The following RGS7 variants were observed in gnomAD, a reference collection of about 807,000 sequenced individuals.
RGS7 encodes the protein regulator of G protein signaling 7, also known as regulator of G-protein signaling 7.
In RGS7, 27 loss-of-function variants were observed where a neutral mutation model predicts 81.1. The observed-to-expected ratio is 0.33, with a 90% CI of 0.25 to 0.46. RGS7 has a LOEUF of 0.46. RGS7 is among the 20% of genes least tolerant of loss of function. The pLI, the probability that RGS7 is intolerant of heterozygous loss-of-function variation, is 1.00. For synonymous variants in RGS7, 208 were observed against 207.7 expected, an observed-to-expected ratio of 1.00 and a Z score of -0.01; for missense variants, 396 against 607.4, an observed-to-expected ratio of 0.65 and a Z score of 3.66.
chr1:241,322,417 T>C (rs1310961944), intron 2 of RGS7, among the ~76,000 whole-genome samples: 1 of 152,262 alleles, frequency 6.6e-6, no homozygotes, highest in Admixed American at 6.5e-5. Context: ...GTTGACTATA[T>C]ATTCACTCTT....
chr1:240,962,309 C>G (rs12143076), intron 4 of RGS7, among the ~76,000 whole-genome samples: 57,608 of 151,952 alleles, frequency 0.38, 11,040 homozygotes, highest in Middle Eastern at 0.41. Flanking sequence ...ATCTTTCTCT[C>G]CGGCTCCTGA....
At chr1:241,121,859 T>C (rs973237298) in intron 2 of RGS7, among the ~76,000 whole-genome samples, 7 of 151,690 alleles carry the variant, frequency 4.6e-5, no homozygotes, top group Non-Finnish European at 8.8e-5. Context: ...AGGTGCGTGA[T>C]ACCACACCTG....
At chr1:240,932,302 G>C (rs1675586784) in intron 5 of RGS7, among the ~76,000 whole-genome samples, 1 of 152,044 alleles carries the variant, frequency 6.6e-6, no homozygotes, top group Non-Finnish European at 1.5e-5. Flanking sequence ...ATCATCGTAG[G>C]AATTCTGAAG....
intron 3 of RGS7, among the ~76,000 whole-genome samples, chr1:241,036,661 C>A (rs1277797766): frequency 6.6e-6 from 1 of 152,144 alleles, no homozygotes; most frequent in Admixed American, 6.5e-5. Context: ...CATTGCTTCA[C>A]CTTACAAAGG....
intron 3 of RGS7, among the ~76,000 whole-genome samples, chr1:241,097,125 G>C (rs1483222937): frequency 6.6e-6 from 1 of 151,890 alleles, no homozygotes; most frequent in African/African-American, 2.4e-5. Context: ...AGGCCTTTGA[G>C]AGCACAGAGG....
intron 4 of RGS7, among the ~76,000 whole-genome samples, chr1:240,967,570 G>GT (rs1485144689): frequency 1.7e-5 from 2 of 118,432 alleles, no homozygotes; most frequent in African/African-American, 5.7e-5. Context: ...CCAAGAAGTG[G>GT]GGGGGGGGGG....
intron 3 of RGS7, among the ~76,000 whole-genome samples, chr1:241,097,710 C>G (rs574409082): frequency 1.2e-4 from 18 of 152,242 alleles, no homozygotes; most frequent in Non-Finnish European, 2.5e-4. Flanking sequence ...ATCCCAGGCC[C>G]CAAAACTGGC....
intron 2 of RGS7, among the ~76,000 whole-genome samples, chr1:241,105,103 A>T (rs754083943): frequency 6.6e-6 from 1 of 152,174 alleles, no homozygotes; most frequent in Non-Finnish European, 1.5e-5. Flanking sequence ...AAACACTCTT[A>T]TCCCTCTTAT....
intron 5 of RGS7, among the ~76,000 whole-genome samples, chr1:240,933,541 C>G (rs577667409): frequency 1.5e-4 from 22 of 151,580 alleles, no homozygotes; most frequent in African/African-American, 3.6e-4. Flanking sequence ...GTGTTTTGAT[C>G]TGTAGTAAAC....
chr1:240,800,770 C>A, intron 17 of RGS7, 49 bp from the exon 18 acceptor site: 1 of 1,162,884 alleles, frequency 8.6e-7, no homozygotes, highest in South Asian at 1.4e-5. Flanking sequence ...TACACAATGT[C>A]AGAAAGTTCC....
In RGS7 at chr1:240,936,599, C is replaced by T. The variant is rs1384844174; in HGVS notation, c.333+1G>A. On this transcript the variant is annotated splice_donor_variant, in intron 5 of 18. Transcript: ENST00000440928. LOFTEE classifies it high-confidence loss of function. ...TTAAAGAACATTTCTAATAAACTTA[C>T]TTGAAACCGGTAAAAGGTGCCATCA... The T allele has an allele frequency of 6.2e-7, 1 of 1,609,358 alleles. No homozygotes were observed. Among genetic ancestry groups the T allele is most frequent in the Non-Finnish European group, 8.5e-7 (1 of 1,175,660 alleles).
chr1:241,085,549 C>T (rs1366249101), intron 3 of RGS7, among the ~76,000 whole-genome samples: 1 of 152,072 alleles, frequency 6.6e-6, no homozygotes, highest in Non-Finnish European at 1.5e-5. Flanking sequence ...CTCAGCCTCC[C>T]GGGTAGCTGG....
chr1:241,081,786 A>C (rs75300085), intron 3 of RGS7, among the ~76,000 whole-genome samples: 1 of 152,232 alleles, frequency 6.6e-6, no homozygotes, highest in South Asian at 2.1e-4. Flanking sequence ...ATTTTGGTCC[A>C]TCATTAATGA....
At position 241,219,149 on chromosome 1, in the gene RGS7, C is replaced by T. The variant is rs372811940; in HGVS notation, c.79-120387G>A. ...TAATAACTTCATAGACATAGTGATG[C>T]GGTTTGGCTGTGTCCCCACCCAAAT... On this transcript the variant is annotated intron_variant, in intron 2 of 18. Coordinates refer to ENST00000440928, the MANE Select transcript of RGS7 (RefSeq NM_001364886.1). Among the ~76,000 whole-genome samples, 31 of 152,174 alleles carry T rather than the reference C, an allele frequency of 2.0e-4. 1 individual carries two copies. The highest frequency in any genetic ancestry group is 5.5e-4 in the African/African-American group (23 of 41,524).
chr1:241,272,937 C>A (rs967632915), intron 2 of RGS7, among the ~76,000 whole-genome samples: 5 of 151,994 alleles, frequency 3.3e-5, no homozygotes, highest in African/African-American at 1.2e-4. Flanking sequence ...ATTTCCTTTA[C>A]TTTTTCACTT....
intron 2 of RGS7, among the ~76,000 whole-genome samples, chr1:241,297,263 C>T (rs2079483354): frequency 6.6e-6 from 1 of 152,140 alleles, no homozygotes; most frequent in South Asian, 2.1e-4. Context: ...GGAAAGAAAA[C>T]ATACATTATA....
intron 2 of RGS7, among the ~76,000 whole-genome samples, chr1:241,308,552 C>A (rs550356332): frequency 6.6e-6 from 1 of 152,302 alleles, no homozygotes; most frequent in African/African-American, 2.4e-5. Flanking sequence ...AGACTGTGCC[C>A]AGCTGTGTGA....
intron 2 of RGS7, among the ~76,000 whole-genome samples, chr1:241,306,944 AAC>A (rs1369134126): frequency 6.6e-6 from 1 of 152,234 alleles, no homozygotes; most frequent in Non-Finnish European, 1.5e-5. Context: ...TCACACTAAC[AAC>A]CAGGTAATGA....
At chr1:240,939,841 C>A (rs138134070) in intron 4 of RGS7, among the ~76,000 whole-genome samples, 1 of 151,970 alleles carries the variant, frequency 6.6e-6, no homozygotes, top group Non-Finnish European at 1.5e-5. Context: ...GAGGCCAAGA[C>A]GGATGGATCA....
Sources: allele counts gnomAD v4.1 joint callset (sites outside exome capture counted in the v4.1 genomes callset), GRCh38; gene constraint gnomAD v4.1.1; transcripts MANE v1.5; gene names NCBI Gene and HGNC (gene_info 2026-07-23, HGNC 2026-07-21).